Variants in AKAP19 observed in about 807,000 individuals in gnomAD.
AKAP19 encodes the protein small A-kinase anchoring protein.
the AKAP19 span, among the ~76,000 whole-genome samples, chr2:190,005,317 A>G: frequency 6.6e-6 from 1 of 152,112 alleles, no homozygotes; most frequent in African/African-American, 2.4e-5. Flanking sequence ...CATTTTACAG[A>G]GTGCTGATTG....
At chr2:189,974,176 T>C in the AKAP19 span, among the ~76,000 whole-genome samples, 5 of 152,184 alleles carry the variant, frequency 3.3e-5, no homozygotes, top group Non-Finnish European at 7.3e-5. Flanking sequence ...TCTGGTATGT[T>C]GTGTCTTTGT....
chr2:190,016,642 A>G, the AKAP19 span, among the ~76,000 whole-genome samples: 1 of 152,228 alleles, frequency 6.6e-6, no homozygotes, highest in Non-Finnish European at 1.5e-5. Context: ...TACAATTGTG[A>G]TCAGAAAAGA....
chr2:190,120,363 G>C, the AKAP19 span, among the ~76,000 whole-genome samples: 1 of 135,616 alleles, frequency 7.4e-6, no homozygotes, highest in Non-Finnish European at 1.7e-5. Context: ...CAAAAAAGCT[G>C]GGGGGGGCCT....
chr2:190,141,595 C>T, the AKAP19 span, among the ~76,000 whole-genome samples: 1 of 152,118 alleles, frequency 6.6e-6, no homozygotes, highest in Non-Finnish European at 1.5e-5. Context: ...AACTCATTCA[C>T]TATCAAGAAA....
the AKAP19 span, among the ~76,000 whole-genome samples, chr2:190,123,842 C>T: frequency 6.6e-6 from 1 of 152,186 alleles, no homozygotes; most frequent in Non-Finnish European, 1.5e-5. Flanking sequence ...TGGAGAAGAT[C>T]CACCCTCAAT....
chr2:190,019,024 G>A, the AKAP19 span, among the ~76,000 whole-genome samples: 2,697 of 152,270 alleles, frequency 0.018, 45 homozygotes, highest in Non-Finnish European at 0.03. Context: ...AGGTGGTACC[G>A]CTGTTTGCAT....
chr2:189,975,578 T>A, the AKAP19 span, among the ~76,000 whole-genome samples: 2 of 152,346 alleles, frequency 1.3e-5, no homozygotes, highest in South Asian at 2.1e-4. Flanking sequence ...CAGAGTGTTT[T>A]CCAACTTGGT....
the AKAP19 span, among the ~76,000 whole-genome samples, chr2:189,952,012 T>C: frequency 2.0e-5 from 3 of 152,224 alleles, no homozygotes; most frequent in South Asian, 4.2e-4. Context: ...CTGAAAACAA[T>C]CCTTATCTTC....
chr2:189,941,978 C>A, the AKAP19 span, among the ~76,000 whole-genome samples: 1 of 152,060 alleles, frequency 6.6e-6, no homozygotes, highest in Admixed American at 6.5e-5. Flanking sequence ...AAAAAGTATT[C>A]CATGAAACTG....
chr2:190,168,377 G>A, the AKAP19 span, among the ~76,000 whole-genome samples: 2 of 152,170 alleles, frequency 1.3e-5, no homozygotes, highest in Admixed American at 1.3e-4. Context: ...CCTGCTGTGA[G>A]GGCCTCTGAC....
chr2:189,965,952 A>ATGTATG, the AKAP19 span, among the ~76,000 whole-genome samples: 5 of 149,814 alleles, frequency 3.3e-5, no homozygotes, highest in African/African-American at 9.8e-5. Flanking sequence ...GTATGTATGT[A>ATGTATG]TGTGTGTGTG....
chr2:190,137,411 A>G, the AKAP19 span, among the ~76,000 whole-genome samples: 1 of 152,222 alleles, frequency 6.6e-6, no homozygotes, highest in East Asian at 1.9e-4. Flanking sequence ...AGTAAGTTTC[A>G]GCTCTATTAT....
At chr2:189,918,080 C>T in the AKAP19 span, among the ~76,000 whole-genome samples, 1 of 151,758 alleles carries the variant, frequency 6.6e-6, no homozygotes, top group Admixed American at 6.6e-5. Flanking sequence ...CCTTACCTCC[C>T]TTTATGTTTT....
At chr2:190,025,366 C>T in the AKAP19 span, among the ~76,000 whole-genome samples, 8 of 152,172 alleles carry the variant, frequency 5.3e-5, no homozygotes, top group Non-Finnish European at 8.8e-5. Context: ...CATCCCCCCA[C>T]ATCATGTGTG....
At chr2:190,168,626 G>A in the AKAP19 span, among the ~76,000 whole-genome samples, 1 of 152,154 alleles carries the variant, frequency 6.6e-6, no homozygotes, top group Non-Finnish European at 1.5e-5. Context: ...CCTCTTGAAT[G>A]CTTTGCTGCT....
At chr2:189,920,121 T>G in the AKAP19 span, among the ~76,000 whole-genome samples, 2 of 152,254 alleles carry the variant, frequency 1.3e-5, no homozygotes, top group Non-Finnish European at 2.9e-5. Context: ...AACCATATAT[T>G]CTCAGTTTGG....
the AKAP19 span, among the ~76,000 whole-genome samples, chr2:190,021,969 G>A: frequency 6.6e-6 from 1 of 152,178 alleles, no homozygotes; most frequent in South Asian, 2.1e-4. Flanking sequence ...AGGACTCTCT[G>A]TGGAGTCCCA....
the AKAP19 span, among the ~76,000 whole-genome samples, chr2:189,916,163 G>A: frequency 5.3e-5 from 8 of 151,970 alleles, no homozygotes; most frequent in Non-Finnish European, 1.2e-4. Flanking sequence ...GAGATCTTAC[G>A]TACTTTTCAC....
the AKAP19 span, among the ~76,000 whole-genome samples, chr2:189,961,584 G>C: frequency 6.6e-6 from 1 of 151,942 alleles, no homozygotes; most frequent in Non-Finnish European, 1.5e-5. Context: ...ATAAGTCCCA[G>C]GTTCTTGACA....
Sources: gnomAD v4.1 joint callset for allele counts (sites outside exome capture counted in the v4.1 genomes callset) on GRCh38, gnomAD v4.1.1 for gene constraint, MANE v1.5 for transcripts, NCBI Gene and HGNC (gene_info 2026-07-23, HGNC 2026-07-21) for gene names.